Variants in PPP2R2B observed in about 807,000 individuals in gnomAD.
PPP2R2B encodes serine/threonine-protein phosphatase 2A 55 kDa regulatory subunit B beta isoform.
In PPP2R2B, 5 loss-of-function variants were observed where a neutral mutation model predicts 46.0. The ratio of observed to expected loss-of-function variants is 0.11; its 90% CI spans 0.06 to 0.23. The LOEUF is 0.23. Among genes scored for constraint, PPP2R2B ranks in the 10% least tolerant of loss-of-function variants. The pLI, the probability that PPP2R2B is intolerant of heterozygous loss-of-function variation, is 1.00. For synonymous variants in PPP2R2B, 215 were observed against 206.7 expected (o/e 1.04, Z -0.34); for missense variants, 367 against 575.0 (o/e 0.64, Z 3.70).
chr5:146,770,073 A>G (rs1561892755), intron 2 of PPP2R2B, among the ~76,000 whole-genome samples: 1 of 152,168 alleles, frequency 6.6e-6, no homozygotes, highest in African/African-American at 2.4e-5. Flanking sequence ...TCATGCCTGT[A>G]ATCCTAGCAT....
chr5:146,701,345 T>C (rs1356699567), intron 2 of PPP2R2B: 3 of 710,146 alleles, frequency 4.2e-6, no homozygotes, highest in Non-Finnish European at 7.6e-6. Context: ...CACTGCACAG[T>C]GGTCTCCTGG....
rs185829606 is a variant in PPP2R2B, at chr5:146,618,479, T to C, written c.791-18019A>G. ...GTGTTATTTTAAGCCACTAAGTTCA[T>C]TAAGTATGTGATAATTTGTTACAGC... is the stretch of plus-strand genomic sequence containing the variant. On this transcript the variant is annotated intron_variant, in intron 7 of 9. Transcript: ENST00000394411. Among the ~76,000 whole-genome samples the C allele has an allele frequency of 3.3e-5, 5 of 152,322 alleles. No individual in the cohort carries two copies. The East Asian group carries it at 9.6e-4, about 29-fold the overall frequency.
intron 2 of PPP2R2B, among the ~76,000 whole-genome samples, chr5:146,857,930 G>A (rs547910305): frequency 3.9e-5 from 6 of 152,064 alleles, no homozygotes; most frequent in African/African-American, 1.2e-4. Flanking sequence ...CAGGTGATCC[G>A]CCTGCCTTTG....
rs534556777 is a variant in PPP2R2B at position 147,034,601 on chromosome 5, C to T, written c.79+21064G>A. ...AGGGAAATAAGTAAAGTTTAAAATC[C>T]GTAATTTTTTCCCTATACCCTGTCT... On this transcript the variant is annotated intron_variant, in intron 1 of 8. Transcript: ENST00000336640. 9.9e-5 allele frequency among the ~76,000 whole-genome samples: 15 copies of T among 152,108 alleles called. No individual in the cohort carries two copies. In the South Asian group the frequency reaches 2.3e-3, roughly 23 times the overall value.
intron 1 of PPP2R2B, among the ~76,000 whole-genome samples, chr5:146,892,044 T>C (rs939562370): frequency 6.6e-6 from 1 of 152,208 alleles, no homozygotes; most frequent in Non-Finnish European, 1.5e-5. Flanking sequence ...AGACTGTCAG[T>C]CATGCCATTC....
At chr5:146,652,791 A>G (rs1014326807) in intron 5 of PPP2R2B, among the ~76,000 whole-genome samples, 14 of 152,218 alleles carry the variant, frequency 9.2e-5, no homozygotes, top group Non-Finnish European at 1.8e-4. Flanking sequence ...CCATTATTCC[A>G]AGTGAATAGG....
intron 2 of PPP2R2B, among the ~76,000 whole-genome samples, chr5:146,757,004 A>C (rs2151246193): frequency 6.6e-6 from 1 of 152,318 alleles, no homozygotes; most frequent in African/African-American, 2.4e-5. Context: ...CTAGAGAATG[A>C]AGCTCTGAGT....
intron 2 of PPP2R2B, among the ~76,000 whole-genome samples, chr5:146,834,517 A>G (rs984204221): frequency 6.6e-6 from 1 of 152,238 alleles, no homozygotes; most frequent in East Asian, 1.9e-4. Context: ...ATTCAGGTTC[A>G]GTTATCAAGG....
intron 2 of PPP2R2B, among the ~76,000 whole-genome samples, chr5:147,069,785 G>GGTTTTTT (rs1757521827): frequency 3.1e-5 from 2 of 64,790 alleles, no homozygotes; most frequent in African/African-American, 7.5e-5. Context: ...ATTTTATACT[G>GGTTTTTT]TTTTTTTTTT....
At chr5:146,821,946 G>A (rs1187757139) in intron 2 of PPP2R2B, among the ~76,000 whole-genome samples, 2 of 152,124 alleles carry the variant, frequency 1.3e-5, no homozygotes, top group African/African-American at 4.8e-5. Context: ...AATACACACT[G>A]ACAACGTAAG....
intron 1 of PPP2R2B, chr5:147,081,238 TA>T: frequency 6.5e-7 from 1 of 1,535,670 alleles, no homozygotes; most frequent in Non-Finnish European, 8.7e-7. Flanking sequence ...TATGCATTTC[TA>T]AAAGGAGACT....
At chr5:147,040,257 T>G (rs72827256) in intron 1 of PPP2R2B, among the ~76,000 whole-genome samples, 23,612 of 152,092 alleles carry the variant, frequency 0.16, 2,281 homozygotes, top group East Asian at 0.34. Context: ...AATAAATAAT[T>G]TTGTATGATA....
chr5:147,002,252 G>A (rs1754212851), intron 1 of PPP2R2B, among the ~76,000 whole-genome samples: 1 of 152,108 alleles, frequency 6.6e-6, no homozygotes, highest in South Asian at 2.1e-4. Flanking sequence ...AAGCCCTGTT[G>A]TAGAGGGGAT....
intron 8 of PPP2R2B, among the ~76,000 whole-genome samples, chr5:146,599,575 T>C (rs1392607798): frequency 6.6e-6 from 1 of 152,232 alleles, no homozygotes; most frequent in Non-Finnish European, 1.5e-5. Flanking sequence ...TCCTTCTGCC[T>C]TTGTGATTCA....
chr5:146,698,235 G>A, intron 3 of PPP2R2B, 91 bp from the exon 4 acceptor site: 1 of 1,157,572 alleles, frequency 8.6e-7, no homozygotes, highest in Non-Finnish European at 1.2e-6. Flanking sequence ...GCAGTCATTG[G>A]GGGTGGGATG....
intron 2 of PPP2R2B, among the ~76,000 whole-genome samples, chr5:146,742,589 A>G (rs1752943910): frequency 6.6e-6 from 1 of 152,200 alleles, no homozygotes; most frequent in Non-Finnish European, 1.5e-5. Context: ...GAATAGATTT[A>G]TAGTATAAAG....
intron 1 of PPP2R2B, among the ~76,000 whole-genome samples, chr5:146,985,669 C>G (rs1455452356): frequency 3.3e-5 from 5 of 152,160 alleles, no homozygotes; most frequent in African/African-American, 7.2e-5. Context: ...ACAAGACAAA[C>G]ATGTCCACTC....
At chr5:146,615,280 C>T (rs1228885414) in intron 7 of PPP2R2B, among the ~76,000 whole-genome samples, 1 of 81,306 alleles carries the variant, frequency 1.2e-5, no homozygotes, top group Non-Finnish European at 2.3e-5. Context: ...CATATTCTCA[C>T]TCATAGGTGG....
intron 5 of PPP2R2B, among the ~76,000 whole-genome samples, chr5:146,663,637 A>C (rs935351184): frequency 1.3e-5 from 2 of 152,166 alleles, no homozygotes; most frequent in Non-Finnish European, 2.9e-5. Context: ...GTACAATAGC[A>C]TTATGTTTAA....
Sources: allele counts gnomAD v4.1 joint callset (sites outside exome capture counted in the v4.1 genomes callset), GRCh38; gene constraint gnomAD v4.1.1; transcripts MANE v1.5; gene names NCBI Gene and HGNC (gene_info 2026-07-23, HGNC 2026-07-21).